GPHN: variants seen among roughly 807,000 people sequenced by gnomAD.
GPHN encodes the protein gephyrin.
Under a neutral mutation model 95.5 loss-of-function variants are expected in GPHN, and 17 were observed. The observed-to-expected ratio is 0.18, with a 90% CI of 0.12 to 0.27. GPHN has a LOEUF of 0.27. Among genes scored for constraint, GPHN ranks in the 10% least tolerant of loss-of-function variants. The pLI, the probability that GPHN is intolerant of heterozygous loss-of-function variation, is 1.00. For missense variants in GPHN, 660 were observed against 978.1 expected (o/e 0.67, Z 4.34); for synonymous variants, 320 against 322.5 (o/e 0.99, Z 0.08).
the GPHN span, chr14:67,228,287 T>C: frequency 3.5e-6 from 1 of 286,754 alleles, no homozygotes; most frequent in Non-Finnish European, 5.2e-6. Flanking sequence ...AGTTGTAGTA[T>C]AAATATAATT....
intron 2 of GPHN, among the ~76,000 whole-genome samples, chr14:66,739,614 C>G (rs772592883): frequency 1.1e-4 from 17 of 150,522 alleles, no homozygotes; most frequent in African/African-American, 4.2e-4. Flanking sequence ...ATGGATAGTG[C>G]GTTCGGACAA....
chr14:66,904,574 A>T (rs939543258), intron 5 of GPHN, among the ~76,000 whole-genome samples: 19 of 152,146 alleles, frequency 1.2e-4, no homozygotes, highest in Admixed American at 6.5e-5. Flanking sequence ...AAGTTCTCCA[A>T]GTCCCTGGTT....
At chr14:66,881,817 A>G (rs553156915) in intron 5 of GPHN, among the ~76,000 whole-genome samples, 9 of 151,938 alleles carry the variant, frequency 5.9e-5, no homozygotes, top group African/African-American at 1.9e-4. Context: ...CTTTGGAATG[A>G]GTTGTTCATC....
intron 21 of GPHN, among the ~76,000 whole-genome samples, chr14:67,178,977 C>T (rs564418653): frequency 2.1e-4 from 32 of 152,252 alleles, no homozygotes; most frequent in African/African-American, 7.0e-4. Context: ...AGCTATCCTT[C>T]AGGAATGAGG....
At chr14:67,402,186 C>T in the GPHN span, among the ~76,000 whole-genome samples, 27 of 152,232 alleles carry the variant, frequency 1.8e-4, no homozygotes, top group East Asian at 2.9e-3. Context: ...CTTTCCTGGA[C>T]GAAATGTTAC....
At chr14:67,512,114 G>A in the GPHN span, among the ~76,000 whole-genome samples, 16 of 152,180 alleles carry the variant, frequency 1.1e-4, no homozygotes, top group South Asian at 3.1e-3. Flanking sequence ...GATCTACTCG[G>A]GTACTTGATT....
chr14:67,688,777 AG>A, the GPHN span, among the ~76,000 whole-genome samples: 1 of 152,108 alleles, frequency 6.6e-6, no homozygotes, highest in Non-Finnish European at 1.5e-5. Flanking sequence ...ATGCATTACT[AG>A]ACTGATTTTA....
chr14:66,610,893 G>A (rs934315223), intron 1 of GPHN, among the ~76,000 whole-genome samples: 1 of 152,118 alleles, frequency 6.6e-6, no homozygotes, highest in Non-Finnish European at 1.5e-5. Context: ...GACAGGCCAA[G>A]ATAATCAGAC....
chr14:67,541,086 G>C, the GPHN span, among the ~76,000 whole-genome samples: 2 of 152,190 alleles, frequency 1.3e-5, no homozygotes, highest in African/African-American at 4.8e-5. Context: ...GAAATGGTGA[G>C]AATCTATTCC....
At chr14:66,581,647 G>C (rs1266635382) in intron 1 of GPHN, among the ~76,000 whole-genome samples, 2 of 151,870 alleles carry the variant, frequency 1.3e-5, no homozygotes, top group African/African-American at 4.8e-5. Flanking sequence ...GCCTATAAGA[G>C]AATCACTCTC....
chr14:66,764,292 G>C (rs928147165), intron 2 of GPHN, among the ~76,000 whole-genome samples: 17 of 152,056 alleles, frequency 1.1e-4, no homozygotes, highest in African/African-American at 3.9e-4. Context: ...CTATATAAGG[G>C]ACTTGAGCAT....
At chr14:67,111,599 CA>C (rs2078375698) in intron 14 of GPHN, among the ~76,000 whole-genome samples, 2 of 151,684 alleles carry the variant, frequency 1.3e-5, no homozygotes, top group Non-Finnish European at 1.5e-5. Context: ...ATCTTATAAA[CA>C]AGATTTAATA....
the GPHN span, among the ~76,000 whole-genome samples, chr14:67,707,289 A>G: frequency 4.8e-4 from 73 of 152,370 alleles, 1 homozygote; most frequent in Non-Finnish European, 9.3e-4. Flanking sequence ...AGGCAAGACT[A>G]AAATCTAACA....
intron 8 of GPHN, among the ~76,000 whole-genome samples, chr14:66,959,940 T>C (rs981698691): frequency 2.0e-5 from 3 of 152,064 alleles, no homozygotes; most frequent in African/African-American, 7.2e-5. Flanking sequence ...TGTTGTTATT[T>C]TCCTTTATTT....
chr14:67,364,607 T>A, the GPHN span: 1 of 675,640 alleles, frequency 1.5e-6, no homozygotes, highest in Non-Finnish European at 2.3e-6. Flanking sequence ...ACATTATCTG[T>A]TTTCTGGTAC....
the GPHN span, among the ~76,000 whole-genome samples, chr14:67,545,351 G>A: frequency 6.6e-6 from 1 of 152,142 alleles, no homozygotes; most frequent in Non-Finnish European, 1.5e-5. Context: ...GCTAAAAGTT[G>A]GGGGTTCTAT....
intron 20 of GPHN, 72 bp downstream of exon 20, chr14:67,165,298 C>T: frequency 1.1e-6 from 1 of 931,030 alleles, no homozygotes; most frequent in Non-Finnish European, 1.8e-6. Context: ...TCTCATGTGA[C>T]CACCTGGTTT....
intron 2 of GPHN, among the ~76,000 whole-genome samples, chr14:66,696,239 C>T (rs755124886): frequency 4.6e-5 from 7 of 152,232 alleles, no homozygotes; most frequent in Non-Finnish European, 1.0e-4. Flanking sequence ...AAAGAGTAAT[C>T]CTCATTAGAA....
chr14:67,606,043 C>T, the GPHN span, among the ~76,000 whole-genome samples: 1 of 152,086 alleles, frequency 6.6e-6, no homozygotes, highest in African/African-American at 2.4e-5. Flanking sequence ...TGTTGTCAGC[C>T]ATTAACCTAG....
Sources: allele counts gnomAD v4.1 joint callset (sites outside exome capture counted in the v4.1 genomes callset), GRCh38; gene constraint gnomAD v4.1.1; transcripts MANE v1.5; gene names NCBI Gene and HGNC (gene_info 2026-07-23, HGNC 2026-07-21).